Variants in OTOP1 observed in about 807,000 individuals in gnomAD.
OTOP1 encodes the protein proton channel OTOP1.
Under a neutral mutation model 52.9 loss-of-function variants are expected in OTOP1, and 59 were observed. The observed-to-expected ratio is 1.12, with a 90% confidence interval of 0.91 to 1.39. The LOEUF is 1.39. Ranked by LOEUF, OTOP1 falls within the 40% of genes most tolerant of loss-of-function variation. The pLI is 0.00. For missense variants in OTOP1, 761 were observed against 800.9 expected, an observed-to-expected ratio of 0.95 and a Z score of 0.60; for synonymous variants, 317 against 337.7, an observed-to-expected ratio of 0.94 and a Z score of 0.67.
At chr4:4,206,854 T>C (rs1716916120) in intron 2 of OTOP1, among the ~76,000 whole-genome samples, 2 of 152,216 alleles carry the variant, frequency 1.3e-5, no homozygotes, top group Admixed American at 6.5e-5. Flanking sequence ...AAGAAGCGTG[T>C]ATGTTTTCAA....
At chr4:4,205,019 A>T (rs937122517) in intron 3 of OTOP1, among the ~76,000 whole-genome samples, 2 of 152,060 alleles carry the variant, frequency 1.3e-5, no homozygotes, top group Non-Finnish European at 2.9e-5. Context: ...TGATCCGCCC[A>T]CCTGGGCCTC....
At chr4:4,211,862 T>C (rs1717033009) in intron 2 of OTOP1, among the ~76,000 whole-genome samples, 1 of 152,172 alleles carries the variant, frequency 6.6e-6, no homozygotes, top group Admixed American at 6.5e-5. Context: ...GGGTACAAAG[T>C]TGCAAATACG....
At chr4:4,195,638 C>T (rs1474010859) in intron 5 of OTOP1, among the ~76,000 whole-genome samples, 2 of 152,184 alleles carry the variant, frequency 1.3e-5, no homozygotes, top group Non-Finnish European at 2.9e-5. Flanking sequence ...AGCTGCCAGG[C>T]CAACCCCAAG....
At chr4:4,194,757 T>G (rs1348142726) in intron 5 of OTOP1, among the ~76,000 whole-genome samples, 1 of 152,210 alleles carries the variant, frequency 6.6e-6, no homozygotes, top group Non-Finnish European at 1.5e-5. Context: ...CAGGCACCTC[T>G]GTGGACTGGG....
intron 3 of OTOP1, 23 bp from the exon 4 acceptor site, chr4:4,202,601 T>A: frequency 6.2e-7 from 1 of 1,612,296 alleles, no homozygotes; most frequent in Non-Finnish European, 8.5e-7. Flanking sequence ...AGGACTCAGT[T>A]CTCAAGCAGC....
At chr4:4,222,738 T>C (rs1451065246) in intron 1 of OTOP1, among the ~76,000 whole-genome samples, 1 of 152,200 alleles carries the variant, frequency 6.6e-6, no homozygotes, top group African/African-American at 2.4e-5. Context: ...GATCTAAGAT[T>C]GTCACGAACA....
chr4:4,206,019 A>G, intron 3 of OTOP1, 53 bp downstream of exon 3: 1 of 1,492,880 alleles, frequency 6.7e-7, no homozygotes, highest in East Asian at 2.3e-5. Context: ...AGTTTTGAAA[A>G]TTCTAAATGA....
At chr4:4,223,449 A>G (rs1002545678) in intron 1 of OTOP1, among the ~76,000 whole-genome samples, 7 of 139,826 alleles carry the variant, frequency 5.0e-5, no homozygotes, top group African/African-American at 2.0e-4. Flanking sequence ...ATGGATGATG[A>G]ATAAGTGAAT....
intron 2 of OTOP1, among the ~76,000 whole-genome samples, chr4:4,209,967 C>A (rs1716989391): frequency 6.6e-6 from 1 of 152,154 alleles, no homozygotes; most frequent in Non-Finnish European, 1.5e-5. Flanking sequence ...GGTTCTTGGA[C>A]CTTCCCTGGC....
In OTOP1 at chr4:4,218,456, C is replaced by T. The variant is rs551719660; in HGVS notation, c.404-5452G>A. Reference sequence around the variant, plus strand: ...GGAACAAAGAAAAACCTTTGAAAGCCCTCATGGTAAATAAATGGAAAAGGA... The same window carrying T: ...GGAACAAAGAAAAACCTTTGAAAGCTCTCATGGTAAATAAATGGAAAAGGA... On this transcript the variant is annotated intron_variant, in intron 1 of 5. Coordinates refer to ENST00000296358, the MANE Select transcript of OTOP1 (RefSeq NM_177998.3). 2.0e-5 allele frequency among the ~76,000 whole-genome samples: 3 copies of T among 151,208 alleles called. No individual in the cohort carries two copies. The East Asian group carries it at 5.9e-4, about 30-fold the overall frequency.
At position 4,217,013 on chromosome 4, in the gene OTOP1, T is replaced by A. The variant is rs114467234; in HGVS notation, c.404-4009A>T. On this transcript the variant is annotated intron_variant, in intron 1 of 5. Transcript: ENST00000296358. The stretch of plus-strand genomic sequence containing the variant: ...TTTGCATCTCTAACAAATTTTCAAG[T>A]GGGGCTGCCACTGTTGATCTAGGCC... Among the ~76,000 whole-genome samples, 1,026 of 152,298 alleles carry A rather than the reference T, an allele frequency of 6.7e-3. 6 individuals carry two copies. The highest frequency in any genetic ancestry group is 0.024 in the African/African-American group (985 of 41,556).
chr4:4,214,099 A>G (rs536922068), intron 1 of OTOP1, among the ~76,000 whole-genome samples: 2 of 152,328 alleles, frequency 1.3e-5, no homozygotes, highest in East Asian at 3.9e-4. Flanking sequence ...TCCAAAAATC[A>G]ATCAATCAAC....
At chr4:4,195,201 A>G (rs1716594305) in intron 5 of OTOP1, among the ~76,000 whole-genome samples, 2 of 152,218 alleles carry the variant, frequency 1.3e-5, no homozygotes, top group Admixed American at 1.3e-4. Context: ...TCTGCTTAAC[A>G]CATGTGGAAT....
intron 1 of OTOP1, among the ~76,000 whole-genome samples, chr4:4,219,937 A>C (rs1717248812): frequency 7.0e-6 from 1 of 142,348 alleles, no homozygotes; most frequent in African/African-American, 2.7e-5. Flanking sequence ...ATGTATACAT[A>C]TATACACATA....
chr4:4,193,882 A>G (rs1315490972), intron 5 of OTOP1, among the ~76,000 whole-genome samples: 1 of 151,168 alleles, frequency 6.6e-6, no homozygotes, highest in Non-Finnish European at 1.5e-5. Flanking sequence ...AACTTTTCAG[A>G]ACTTAGTTTT....
chr4:4,203,232 C>G (rs910235575), intron 3 of OTOP1, among the ~76,000 whole-genome samples: 4 of 152,226 alleles, frequency 2.6e-5, no homozygotes, highest in African/African-American at 9.6e-5. Flanking sequence ...TTTTATCTAG[C>G]CTTGAATGTG....
chr4:4,195,232 C>T (rs1388987260), intron 5 of OTOP1, among the ~76,000 whole-genome samples: 1 of 152,236 alleles, frequency 6.6e-6, no homozygotes, highest in Non-Finnish European at 1.5e-5. Flanking sequence ...CTACTTGGTG[C>T]TCCCAAAACA....
rs376214414 is a variant in OTOP1 at position 4,191,113 on chromosome 4, C to T, written c.1669-2140G>A. ...TATCTGCTCAGCTACGTCGTCCTCC[C>T]AGGTGGTCCATCGAGGCTCCAGGTG... On this transcript the variant is annotated intron_variant, in intron 5 of 5. Coordinates refer to ENST00000296358, the MANE Select transcript of OTOP1 (RefSeq NM_177998.3). Among the ~76,000 whole-genome samples, 4 of 152,290 alleles carry T rather than the reference C, an allele frequency of 2.6e-5. No homozygotes were observed. In the East Asian group the frequency reaches 5.8e-4, roughly 22 times the overall value.
intron 5 of OTOP1, among the ~76,000 whole-genome samples, chr4:4,194,702 A>C (rs1290876941): frequency 6.6e-6 from 1 of 152,216 alleles, no homozygotes; most frequent in Non-Finnish European, 1.5e-5. Context: ...CAGGCTTGAT[A>C]ACGGAGGCTG....
Sources: gnomAD v4.1 joint callset for allele counts (sites outside exome capture counted in the v4.1 genomes callset) on GRCh38, gnomAD v4.1.1 for gene constraint, MANE v1.5 for transcripts, NCBI Gene and HGNC (gene_info 2026-07-23, HGNC 2026-07-21) for gene names.